The following FAN1 variants were observed in gnomAD, a reference collection of about 807,000 sequenced individuals.
The protein encoded by FAN1 is FANCD2 and FANCI associated nuclease 1, also known as fanconi-associated nuclease 1.
Under a neutral mutation model 104.9 loss-of-function variants are expected in FAN1, and 91 were observed. The observed-to-expected ratio is 0.87, with a 90% CI of 0.73 to 1.03. The LOEUF (loss-of-function observed/expected upper bound fraction) is 1.03, where lower values mean the gene tolerates loss of function less well. Among genes scored for constraint, FAN1 ranks in the 50% least tolerant of loss-of-function variants. FAN1 has a pLI of 0.00. For missense variants in FAN1, 1,263 were observed against 1,239.9 expected (o/e 1.02, Z -0.28); for synonymous variants, 478 against 457.6 (o/e 1.04, Z -0.57).
In FAN1 at chr15:30,910,725, T is replaced by C. The variant is rs1330625671; in HGVS notation, c.1487T>C (p.Leu496Pro). The C allele has an allele frequency of 6.2e-7, 1 of 1,613,964 alleles. No homozygotes were observed. The highest frequency in any genetic ancestry group is 1.3e-5 in the African/African-American group (1 of 74,892). ...AATCCCAATGGACAGAAACAGCAGC[T>C]GGTGGACGCCTTTCTCAAATTGGCC... Reference protein sequence around the residue: ...LVNPNGQKQQLVDAFLKLAKQ... With the variant: ...LVNPNGQKQQPVDAFLKLAKQ... The change falls in exon 4 of 15, where the codon CTG becomes CCG. Residue 496 changes from leucine (L) to proline (P), a missense_variant. Transcript: ENST00000362065.
chr15:30,913,248 T>G (rs2062135094), intron 4 of FAN1, among the ~76,000 whole-genome samples: 1 of 151,804 alleles, frequency 6.6e-6, no homozygotes, highest in Non-Finnish European at 1.5e-5. Context: ...GGTTGCGTAT[T>G]CCTTATGAGA....
intron 3 of FAN1, among the ~76,000 whole-genome samples, chr15:30,908,874 T>G (rs933244483): frequency 2.6e-5 from 4 of 152,210 alleles, no homozygotes; most frequent in African/African-American, 9.7e-5. Context: ...CTTGGCGCTC[T>G]CCTTCCAGCA....
At chr15:30,915,379 T>C (rs2062179045) in intron 5 of FAN1, among the ~76,000 whole-genome samples, 1 of 152,224 alleles carries the variant, frequency 6.6e-6, no homozygotes, top group Non-Finnish European at 1.5e-5. Flanking sequence ...TGTTGTTCTG[T>C]AGCAGTGTAG....
At chr15:30,910,165 G>A (rs986935973) in intron 3 of FAN1, among the ~76,000 whole-genome samples, 10 of 152,356 alleles carry the variant, frequency 6.6e-5, no homozygotes, top group African/African-American at 2.2e-4. Flanking sequence ...GGTTGGTGTC[G>A]GGGCCCACAG....
intron 7 of FAN1, among the ~76,000 whole-genome samples, chr15:30,921,519 A>G (rs2062330619): frequency 6.6e-6 from 1 of 152,162 alleles, no homozygotes; most frequent in Non-Finnish European, 1.5e-5. Context: ...AAAAATATAT[A>G]TATACAAAAC....
Position 30,913,998 on chromosome 15 carries a change from C to T in FAN1, c.1718C>T (p.Thr573Ile). 1.9e-6 allele frequency: 3 copies of T among 1,614,182 alleles called. No homozygotes were observed. Among genetic ancestry groups the T allele is most frequent in the South Asian group, 1.1e-5 (1 of 91,090 alleles). ...TGTGGAGGTCAGGGACAGCTTTCAA[C>T]AGTCCTGTTGGTCAACCTCGGCCGA... Reference protein sequence around the residue: ...AACGGQGQLSTVLLVNLGRME... With the variant: ...AACGGQGQLSIVLLVNLGRME... The change falls in exon 5 of 15, where the codon ACA (threonine) becomes ATA (isoleucine). Residue 573 changes from threonine (T) to isoleucine (I), a missense_variant. Physicochemically the swap from Thr to Ile is moderately conservative, Grantham distance 89 (BLOSUM62 -1). Transcript: ENST00000362065.
At chr15:30,908,573 C>T (rs550385850) in intron 3 of FAN1, among the ~76,000 whole-genome samples, 12 of 152,236 alleles carry the variant, frequency 7.9e-5, no homozygotes, top group African/African-American at 1.9e-4. Flanking sequence ...CGGCCGGGCA[C>T]GGTGGCTCAT....
chr15:30,905,088 T>C lies in FAN1; in HGVS notation c.425T>C (p.Leu142Pro). 3 of 1,613,844 alleles carry C rather than the reference T, an allele frequency of 1.9e-6. No homozygotes were observed. The highest frequency in any genetic ancestry group is 2.5e-6 in the Non-Finnish European group (3 of 1,179,816). The stretch of plus-strand genomic sequence containing the variant: ...GTGGTGTGCAAAAATCAAGATGAGC[T>C]GAGAAATCGTAGTGTGAAAGTCATT... Reference protein sequence around the residue: ...NDVVCKNQDELRNRSVKVICL... With the variant: ...NDVVCKNQDEPRNRSVKVICL... The change falls in exon 2 of 15, where the codon CTG becomes CCG. Residue 142 changes from leucine to proline, a missense_variant. By Grantham distance (98) the Leu-to-Pro change is moderately conservative. Transcript: ENST00000362065.
intron 13 of FAN1, among the ~76,000 whole-genome samples, chr15:30,932,865 A>C (rs1595883746): frequency 6.7e-6 from 1 of 150,244 alleles, no homozygotes; most frequent in Admixed American, 6.6e-5. Flanking sequence ...GCTGTGCACC[A>C]CCATGCCTGG....
Position 30,924,069 on chromosome 15 carries a change from A to T in FAN1, c.2173-1058A>T, listed in dbSNP as rs2062400096. 2.0e-5 allele frequency among the ~76,000 whole-genome samples: 3 copies of T among 152,154 alleles called. No individual in the cohort carries two copies. In the South Asian group the frequency reaches 6.2e-4, roughly 32 times the overall value. On this transcript the variant is annotated intron_variant, in intron 8 of 14. Coordinates refer to ENST00000362065, the MANE Select transcript of FAN1 (RefSeq NM_014967.5). The stretch of plus-strand genomic sequence containing the variant: ...GTCTGTAAATGTGCCTGTTCATTTC[A>T]TTCATTTCATTGAAGTGGAATCCTA...
At chr15:30,911,767 A>G in intron 4 of FAN1, 2 of 958,890 alleles carry the variant, frequency 2.1e-6, no homozygotes, top group Non-Finnish European at 2.5e-6. Flanking sequence ...TAAACATTAA[A>G]TTTAGCCACC....
intron 2 of FAN1, 108 bp from the exon 3 acceptor site, chr15:30,908,010 C>T: frequency 4.8e-6 from 4 of 831,856 alleles, no homozygotes; most frequent in Non-Finnish European, 7.1e-6. Flanking sequence ...AAATGAAGGC[C>T]TTATACATAC....
At chr15:30,925,641 A>T in intron 9 of FAN1, 148 bp from the exon 10 acceptor site, 1 of 908,368 alleles carries the variant, frequency 1.1e-6, no homozygotes, top group Non-Finnish European at 1.7e-6. Flanking sequence ...ACATCCCCGC[A>T]GTTCTGCGTG....
chr15:30,940,867 G>A lies in FAN1; in HGVS notation c.*4-699G>A, dbSNP rs533902091. 104 of 1,008,704 alleles carry A rather than the reference G, an allele frequency of 1.0e-4. 1 individual carries two copies. In the African/African-American group the frequency reaches 1.8e-3, roughly 17 times the overall value. 62.5% of individuals were successfully genotyped at this position (1,008,704 alleles called of 1,614,324 possible). A position where few individuals can be genotyped will look rare whatever the true frequency, so the allele number is the denominator to read the frequency against. ...TGCAGCAAATGCTTTAAAATTAACA[G>A]TGCATATCATTTTAAAGTTGACCCT... On this transcript the variant is annotated intron_variant, in intron 14 of 14. Coordinates refer to ENST00000362065, the MANE Select transcript of FAN1 (RefSeq NM_014967.5).
intron 10 of FAN1, chr15:30,926,907 A>G (rs2062477568): frequency 1.0e-6 from 1 of 985,470 alleles, no homozygotes. Flanking sequence ...TTTATGCCAC[A>G]GGGAATTTTG....
chr15:30,920,768 A>G (rs551504365), intron 7 of FAN1, 115 bp downstream of exon 7: 2 of 614,764 alleles, frequency 3.3e-6, no homozygotes, highest in South Asian at 4.5e-5. Context: ...ACACAGTAAT[A>G]TAATGGAGGC....
chr15:30,933,581 A>G (rs1318359949), intron 13 of FAN1, among the ~76,000 whole-genome samples: 1 of 152,212 alleles, frequency 6.6e-6, no homozygotes, highest in African/African-American at 2.4e-5. Flanking sequence ...TGTACTTGAA[A>G]AGAATGTGTG....
At chr15:30,934,408 CA>C (rs2062797549) in intron 13 of FAN1, among the ~76,000 whole-genome samples, 1 of 152,188 alleles carries the variant, frequency 6.6e-6, no homozygotes, top group South Asian at 2.1e-4. Flanking sequence ...GGAACATTTA[CA>C]TTTAATTTGA....
chr15:30,938,156 C>G (rs542205909), intron 14 of FAN1, among the ~76,000 whole-genome samples: 1 of 151,702 alleles, frequency 6.6e-6, no homozygotes, highest in South Asian at 2.1e-4. Flanking sequence ...TGCACTCCAG[C>G]CTGGGAGACA....
Sources: gnomAD v4.1 joint callset for allele counts (sites outside exome capture counted in the v4.1 genomes callset) on GRCh38, gnomAD v4.1.1 for gene constraint, MANE v1.5 for transcripts, NCBI Gene and HGNC (gene_info 2026-07-23, HGNC 2026-07-21) for gene names.